Variants in GBA2 observed in about 807,000 individuals in gnomAD.
GBA2 encodes non-lysosomal glucosylceramidase.
A neutral mutation model predicts 112.9 loss-of-function variants in GBA2; 79 were observed. That is an observed-to-expected ratio of 0.70 (90% CI 0.58 to 0.84). The LOEUF (loss-of-function observed/expected upper bound fraction) is 0.84, where lower values mean the gene tolerates loss of function less well. Ranked by LOEUF, GBA2 falls within the 40% of genes least tolerant of loss-of-function variation. The pLI is 0.00. For synonymous variants in GBA2, 403 were observed against 434.3 expected, an observed-to-expected ratio of 0.93 and a Z score of 0.90; for missense variants, 1,043 against 1,190.0, an observed-to-expected ratio of 0.88 and a Z score of 1.82.
rs756161551 is a variant in GBA2 at position 35,737,884 on chromosome 9, A to G, written c.2369T>C (p.Val790Ala). The G allele has an allele frequency of 6.2e-7, 1 of 1,613,682 alleles. No individual in the cohort carries two copies. Among genetic ancestry groups the G allele is most frequent in the Admixed American group, 1.7e-5 (1 of 60,016 alleles). The change falls in exon 16 of 17, where the codon GTC (valine) becomes GCC (alanine). Residue 790 changes from valine to alanine, a missense_variant. Coordinates refer to ENST00000378103, the MANE Select transcript of GBA2 (RefSeq NM_020944.3). This position sits in a 1 kb window ranked among gnomAD's most constrained non-coding sequence, Gnocchi z 4.1. ...CATGGCCCCTCCTGCAAAGGCCTGG[A>G]CGTTCAGCTCAAAGATAGTTTGGAG... is the stretch of plus-strand genomic sequence containing the variant. ...RALQTIFELN[V>A]QAFAGGAMGA...
chr9:35,739,237 G>A, intron 10 of GBA2, 78 bp downstream of exon 10: 1 of 1,096,766 alleles, frequency 9.1e-7, no homozygotes, highest in Non-Finnish European at 1.4e-6. Context: ...AGGGAAAGAA[G>A]AGACAATCTG....
At position 35,741,254 on chromosome 9, in the gene GBA2, T is replaced by A; in HGVS notation, c.787-190A>T. Reference sequence around the variant, plus strand: ...AGGGAATATAGAAGACCAGAACCAGTTGGGCGGTGGTTCTGGGAAGCCAGT... The same window carrying A: ...AGGGAATATAGAAGACCAGAACCAGATGGGCGGTGGTTCTGGGAAGCCAGT... On this transcript the variant is annotated intron_variant, in intron 4 of 16. Transcript: ENST00000378103. This position sits in a 1 kb window ranked among gnomAD's most constrained non-coding sequence, Gnocchi z 4.6. 1.6e-6 allele frequency: 1 copy of A among 623,248 alleles called. No individual in the cohort carries two copies. The highest frequency in any genetic ancestry group is 2.8e-6 in the Non-Finnish European group (1 of 363,550). 38.6% of individuals were successfully genotyped at this position (623,248 alleles called of 1,614,324 possible).
At position 35,737,734 on chromosome 9, in the gene GBA2, A is replaced by G. The variant is rs1826314365; in HGVS notation, c.2505+14T>C. On this transcript the variant is annotated intron_variant, in intron 16 of 16. Coordinates refer to ENST00000378103, the MANE Select transcript of GBA2 (RefSeq NM_020944.3). This position sits in a 1 kb window ranked among gnomAD's most constrained non-coding sequence, Gnocchi z 4.1. ...GATACAGATGGTGGAGAGATGGGAAAAGGAGTGCATTACCTCTTGGATCAT... is the reference window on the plus strand; with the variant it reads ...GATACAGATGGTGGAGAGATGGGAAGAGGAGTGCATTACCTCTTGGATCAT... 4 of 1,613,218 alleles carry G rather than the reference A, an allele frequency of 2.5e-6. No homozygotes were observed. Among genetic ancestry groups the G allele is most frequent in the Non-Finnish European group, 3.4e-6 (4 of 1,179,272 alleles).
chr9:35,736,963 G>A lies in GBA2; in HGVS notation c.*206C>T, dbSNP rs1563953688. The A allele has an allele frequency of 2.4e-6, 2 of 843,246 alleles. No homozygotes were observed. 52.2% of individuals were successfully genotyped at this position (843,246 alleles called of 1,614,324 possible). A position where few individuals can be genotyped will look rare whatever the true frequency, so the allele number is the denominator to read the frequency against. On this transcript the variant is annotated 3_prime_UTR_variant, in exon 17 of 17. Coordinates refer to ENST00000378103, the MANE Select transcript of GBA2 (RefSeq NM_020944.3). Reference sequence around the variant, plus strand: ...CTCCCTGAACATTTCACGCAGTCAGGGAACAGGTGAGGAAAGAAATAAATA... The same window carrying A: ...CTCCCTGAACATTTCACGCAGTCAGAGAACAGGTGAGGAAAGAAATAAATA...
chr9:35,748,171 A>T (rs759909026), intron 1 of GBA2, among the ~76,000 whole-genome samples, 175 bp downstream of exon 1: 2 of 152,194 alleles, frequency 1.3e-5, no homozygotes, highest in African/African-American at 2.4e-5. Flanking sequence ...TGTTGCAAAG[A>T]GATGTGACCT....
chr9:35,741,086 C>T lies in GBA2; in HGVS notation c.787-22G>A. 6.2e-7 allele frequency: 1 copy of T among 1,613,214 alleles called. No individual in the cohort carries two copies. Among genetic ancestry groups the T allele is most frequent in the South Asian group, 1.1e-5 (1 of 91,058 alleles). On this transcript the variant is annotated intron_variant, in intron 4 of 16. Coordinates refer to ENST00000378103, the MANE Select transcript of GBA2 (RefSeq NM_020944.3). This position sits in a 1 kb window ranked among gnomAD's most constrained non-coding sequence, Gnocchi z 4.6. ...TGTCCTGGGGGCAGAAGATTAGACT[C>T]AGACGGTCCCAGTAGAGCGCCTCCT...
intron 13 of GBA2, 59 bp downstream of exon 13, chr9:35,738,467 A>G: frequency 6.3e-7 from 1 of 1,587,368 alleles, no homozygotes; most frequent in South Asian, 1.1e-5. Flanking sequence ...CTTGAGCCCT[A>G]CAATCCCTTG....
Position 35,737,645 on chromosome 9 carries a change from G to C in GBA2, c.2505+103C>G. ...GGGAAAAATGGGAGGCTTTATAGAC[G>C]GACAAGATGGCATTGGGTTATGCCT... On this transcript the variant is annotated intron_variant, in intron 16 of 16. Transcript: ENST00000378103. This position sits in a 1 kb window ranked among gnomAD's most constrained non-coding sequence, Gnocchi z 4.1. The C allele has an allele frequency of 6.2e-7, 1 of 1,604,910 alleles. No homozygotes were observed. Among genetic ancestry groups the C allele is most frequent in the South Asian group, 1.1e-5 (1 of 89,914 alleles).
rs764892022 is a variant in GBA2 at position 35,738,267 on chromosome 9, C to T, written c.2162G>A (p.Arg721Gln). The change falls in exon 14 of 17, where the codon CGG becomes CAG. Residue 721 changes from arginine to glutamine, a missense_variant. Coordinates refer to ENST00000378103, the MANE Select transcript of GBA2 (RefSeq NM_020944.3). ...CAGTCTCTCATAGGCTTCTTGGCCC[C>T]GGCTGAGGATAGAAGAAAACTTATC... ...IQDKFSSILS[R>Q]GQEAYERLLW... The T allele has an allele frequency of 1.7e-5, 28 of 1,614,044 alleles. No homozygotes were observed. Among genetic ancestry groups the T allele is most frequent in the Admixed American group, 1.2e-4 (7 of 60,008 alleles).
At chr9:35,743,775 G>C (rs1053383111) in intron 3 of GBA2, among the ~76,000 whole-genome samples, 2 of 152,192 alleles carry the variant, frequency 1.3e-5, no homozygotes, top group African/African-American at 4.8e-5. Context: ...GAAGGCTAGA[G>C]ATCTAAGCCT....
In GBA2 at chr9:35,739,439, A is replaced by G. The variant is rs763398142; in HGVS notation, c.1583-20T>C. ...CCTGGCCTGGAGGAATGAATGAGAC[A>G]CACTGTTGCCAGAATTCCTGCTTCC... On this transcript the variant is annotated intron_variant, in intron 9 of 16. Transcript: ENST00000378103. 6.5e-7 allele frequency: 1 copy of G among 1,540,492 alleles called. No individual in the cohort carries two copies. Among genetic ancestry groups the G allele is most frequent in the South Asian group, 1.1e-5 (1 of 89,682 alleles).
intron 3 of GBA2, 136 bp downstream of exon 3, chr9:35,744,161 A>T: frequency 1.5e-6 from 1 of 659,806 alleles, no homozygotes. Context: ...GGCTGGGCAC[A>T]CAGGAAGCAT....
At position 35,737,337 on chromosome 9, in the gene GBA2, G is replaced by A. The variant is rs1250765787; in HGVS notation, c.2616C>T (p.Phe872=). The change falls in exon 17 of 17, where the codon TTC becomes TTT. Residue 872 remains phenylalanine, a synonymous_variant. Transcript: ENST00000378103. This position sits in a 1 kb window ranked among gnomAD's most constrained non-coding sequence, Gnocchi z 4.1. ...TPEAYCQQRV[F]RSLAYMRPLS... is the part of the protein sequence containing the mutation. ...GTGGCCGCATGTAGGCCAGTGAGCG[G>A]AACACTCGCTGCTGGCAGTATGCCT... is the stretch of plus-strand genomic sequence containing the variant. 1 of 1,614,136 alleles carries A rather than the reference G, an allele frequency of 6.2e-7. No homozygotes were observed. Among genetic ancestry groups the A allele is most frequent in the Admixed American group, 1.7e-5 (1 of 60,036 alleles).
rs1325243473 is a variant in GBA2 at position 35,746,256 on chromosome 9, A to G, written c.360-1550T>C. On this transcript the variant is annotated intron_variant, in intron 1 of 16. Transcript: ENST00000378103. This position sits in a 1 kb window ranked among gnomAD's most constrained non-coding sequence, Gnocchi z 5.2. ...ATACAAATGATGGGGCACAAGAGAG[A>G]TAACAGACTGGAGCAGAGGAGAAGA... Among the ~76,000 whole-genome samples, 4 of 152,194 alleles carry G rather than the reference A, an allele frequency of 2.6e-5. No homozygotes were observed. Among genetic ancestry groups the G allele is most frequent in the East Asian group, 1.9e-4 (1 of 5,202 alleles).
rs1437680671 is a variant in GBA2, at chr9:35,740,096, A to G, written c.1311T>C (p.Asp437=). Residue 437 remains aspartate (D), a synonymous_variant, in exon 8 of 17, where the codon GAT becomes GAC. Coordinates refer to ENST00000378103, the MANE Select transcript of GBA2 (RefSeq NM_020944.3). The surrounding 1 kb of genome is among the most constrained non-coding windows in gnomAD (Gnocchi z 4.7). ...GGCTGAGGGCAGGTGCTGCATCTCC[A>G]TCCTGGCCAAAGAACCTTGTATACC... The part of the protein sequence containing the change: ...YRRYTRFFGQ[D]GDAAPALSHY... 1.2e-6 allele frequency: 2 copies of G among 1,614,088 alleles called. No individual in the cohort carries two copies. Among genetic ancestry groups the G allele is most frequent in the Non-Finnish European group, 1.7e-6 (2 of 1,179,990 alleles).
rs1588000503 is a variant in GBA2, at chr9:35,736,969, G to A, written c.*200C>T. 1.2e-6 allele frequency: 1 copy of A among 863,522 alleles called. No homozygotes were observed. The highest frequency in any genetic ancestry group is 2.7e-5 in the East Asian group (1 of 37,590). The allele number at this position is 863,522 out of a possible 1,614,324, so 53.5% of individuals were successfully genotyped here. A position where few individuals can be genotyped will look rare whatever the true frequency, so the allele number is the denominator to read the frequency against. On this transcript the variant is annotated 3_prime_UTR_variant, in exon 17 of 17. Coordinates refer to ENST00000378103, the MANE Select transcript of GBA2 (RefSeq NM_020944.3). ...GAACATTTCACGCAGTCAGGGAACA[G>A]GTGAGGAAAGAAATAAATAAGTGAT...
chr9:35,741,777 G>T lies in GBA2; in HGVS notation c.681C>A (p.Phe227Leu). The T allele has an allele frequency of 6.2e-7, 1 of 1,613,930 alleles. No individual in the cohort carries two copies. The highest frequency in any genetic ancestry group is 8.5e-7 in the Non-Finnish European group (1 of 1,179,822). Residue 227 changes from phenylalanine to leucine, a missense_variant, in exon 4 of 17, where the codon TTC (phenylalanine) becomes TTA (leucine). By Grantham distance (22) the Phe-to-Leu change is conservative. Transcript: ENST00000378103. This position sits in a 1 kb window ranked among gnomAD's most constrained non-coding sequence, Gnocchi z 4.6. The stretch of plus-strand genomic sequence containing the variant: ...AGGCTCGGGGATAGAGGGCATGGTA[G>T]AAAGCAAAGTACCCACACAGGCCCC... ...WNWGLCGYFA[F>L]YHALYPRAWT... is the part of the protein sequence containing the mutation.
Position 35,739,817 on chromosome 9 carries a change from A to AG in GBA2, c.1410-18dup. ...GGCAGTGATCTGGGAAGCGAGGAGG[A>AG]GGAAATGGTTTAAGGAACATGTACC... On this transcript the variant is annotated splice_polypyrimidine_tract_variant and intron_variant, in intron 8 of 16. Transcript: ENST00000378103. The AG allele has an allele frequency of 1.2e-6, 2 of 1,612,616 alleles. No individual in the cohort carries two copies. Among genetic ancestry groups the AG allele is most frequent in the Non-Finnish European group, 1.7e-6 (2 of 1,178,750 alleles).
Position 35,738,748 on chromosome 9 carries a change from T to C in GBA2, c.1947+4A>G. The C allele has an allele frequency of 6.2e-7, 1 of 1,613,858 alleles. No homozygotes were observed. Among genetic ancestry groups the C allele is most frequent in the South Asian group, 1.1e-5 (1 of 91,082 alleles). ...ACACTGGCCACTGCATGTGCATCCCTTACTAGACACACAGGCCACATGTCC... is the reference window on the plus strand; with the variant it reads ...ACACTGGCCACTGCATGTGCATCCCCTACTAGACACACAGGCCACATGTCC... On this transcript the variant is annotated splice_donor_region_variant and intron_variant, in intron 12 of 16. Coordinates refer to ENST00000378103, the MANE Select transcript of GBA2 (RefSeq NM_020944.3).
Sources: gnomAD v4.1 joint callset for allele counts (sites outside exome capture counted in the v4.1 genomes callset) on GRCh38, gnomAD v4.1.1 for gene constraint, Gnocchi (gnomAD v3.1) non-coding constraint, MANE v1.5 for transcripts, NCBI Gene and HGNC (gene_info 2026-07-23, HGNC 2026-07-21) for gene names.